MED13: variants seen among roughly 807,000 people sequenced by gnomAD.
MED13 encodes mediator of RNA polymerase II transcription subunit 13.
MED13 carries 23 observed loss-of-function variants against 225.2 expected under a neutral mutation model. That is an observed-to-expected ratio of 0.10 (90% CI 0.07 to 0.14). MED13 has a LOEUF of 0.14. Ranked by LOEUF, MED13 falls within the 10% of genes least tolerant of loss-of-function variation. MED13 has a pLI of 1.00. For synonymous variants in MED13, 942 were observed against 889.2 expected, an observed-to-expected ratio of 1.06 and a Z score of -1.06; for missense variants, 2,197 against 2,594.5, an observed-to-expected ratio of 0.85 and a Z score of 3.33.
At position 61,944,411 on chromosome 17, in the gene MED13, T is replaced by C. The variant is rs543015526; in HGVS notation, c.*2057A>G. On this transcript the variant is annotated 3_prime_UTR_variant, in exon 30 of 30. Transcript: ENST00000397786. ...TTTAAAGAAAGTACAGAACAAAACATACCAACATAATGTGTGGTGTATTAG... is the reference window on the plus strand; with the variant it reads ...TTTAAAGAAAGTACAGAACAAAACACACCAACATAATGTGTGGTGTATTAG... 4 of 150,022 alleles carry C rather than the reference T, an allele frequency of 2.7e-5. No homozygotes were observed. The highest frequency in any genetic ancestry group is 7.3e-5 in the African/African-American group (3 of 40,920). The allele number at this position is 150,022 out of a possible 1,614,324, so 9.3% of individuals were successfully genotyped here. A position where few individuals can be genotyped will look rare whatever the true frequency, so the allele number is the denominator to read the frequency against.
At chr17:62,053,142 C>G (rs768450078) in intron 2 of MED13, among the ~76,000 whole-genome samples, 5 of 152,134 alleles carry the variant, frequency 3.3e-5, no homozygotes, top group Admixed American at 6.6e-5. Flanking sequence ...TAATTAAAGT[C>G]AAAACATTTC....
chr17:61,990,520 G>C (rs962077211), intron 11 of MED13, among the ~76,000 whole-genome samples: 1 of 150,828 alleles, frequency 6.6e-6, no homozygotes, highest in Non-Finnish European at 1.5e-5. Flanking sequence ...CAGAATATGA[G>C]TAAAATGTTA....
At chr17:62,047,095 G>A (rs1345793755) in intron 3 of MED13, among the ~76,000 whole-genome samples, 1 of 151,818 alleles carries the variant, frequency 6.6e-6, no homozygotes, top group African/African-American at 2.4e-5. Context: ...GTTCGGCTGG[G>A]CATGGTGGCT....
chr17:62,020,674 T>TG lies in MED13; in HGVS notation c.1283+8866dup, dbSNP rs1235183754. ...GATTTCAGGCGTGAGTCACTGCACCTGGCCTGCTTTCTTTTTTTTTTTTTT... is the reference window on the plus strand; with the variant it reads ...GATTTCAGGCGTGAGTCACTGCACCTGGGCCTGCTTTCTTTTTTTTTTTTTT... On this transcript the variant is annotated intron_variant, in intron 8 of 29. Transcript: ENST00000397786. Among the ~76,000 whole-genome samples, 4 of 148,118 alleles carry TG rather than the reference T, an allele frequency of 2.7e-5. No homozygotes were observed. The South Asian group carries it at 6.5e-4, about 24-fold the overall frequency.
intron 9 of MED13, among the ~76,000 whole-genome samples, chr17:62,009,025 C>A (rs8072101): frequency 0.38 from 57,604 of 151,866 alleles, 13,521 homozygotes; most frequent in East Asian, 0.72. Flanking sequence ...AAGCAATAAG[C>A]AAGTAATTCA....
intron 8 of MED13, among the ~76,000 whole-genome samples, chr17:62,014,147 GTC>G (rs942515646): frequency 6.6e-6 from 1 of 151,758 alleles, no homozygotes; most frequent in Non-Finnish European, 1.5e-5. Context: ...ACCAGATACT[GTC>G]TCTCTCTGAC....
chr17:61,957,701 T>A (rs1445715224), intron 23 of MED13, among the ~76,000 whole-genome samples: 2 of 152,080 alleles, frequency 1.3e-5, no homozygotes, highest in Non-Finnish European at 2.9e-5. Context: ...CCAGATTTGG[T>A]CCATGGGCTG....
At chr17:61,952,276 G>A (rs2143293534) in intron 27 of MED13, among the ~76,000 whole-genome samples, 1 of 152,288 alleles carries the variant, frequency 6.6e-6, no homozygotes, top group East Asian at 1.9e-4. Context: ...AAGACAGCCT[G>A]CTTCCATAAC....
At chr17:61,974,116 A>G (rs765131034) in intron 16 of MED13, among the ~76,000 whole-genome samples, 1 of 152,148 alleles carries the variant, frequency 6.6e-6, no homozygotes, top group Non-Finnish European at 1.5e-5. Flanking sequence ...AGTAGTTGAA[A>G]ATGCTAACGG....
At chr17:61,991,310 G>T (rs1018294651) in intron 11 of MED13, among the ~76,000 whole-genome samples, 1 of 151,524 alleles carries the variant, frequency 6.6e-6, no homozygotes, top group Admixed American at 6.6e-5. Flanking sequence ...GTAGAGACAG[G>T]GTTTCACCTT....
chr17:62,007,424 A>G (rs1040787559), intron 9 of MED13: 4 of 152,252 alleles, frequency 2.6e-5, no homozygotes, highest in African/African-American at 9.6e-5. Context: ...TCAGAATTCA[A>G]GAAAGTTGAG....
chr17:61,975,129 C>A (rs2143421246), intron 16 of MED13, among the ~76,000 whole-genome samples: 1 of 150,604 alleles, frequency 6.6e-6, no homozygotes, highest in Admixed American at 6.6e-5. Flanking sequence ...AGTAGCAAGA[C>A]CCCGTATCTT....
intron 16 of MED13, among the ~76,000 whole-genome samples, chr17:61,977,438 C>T (rs995736237): frequency 1.3e-5 from 2 of 152,106 alleles, no homozygotes; most frequent in East Asian, 3.8e-4. Flanking sequence ...TAATATTGCA[C>T]ATTTATGTTT....
intron 3 of MED13, among the ~76,000 whole-genome samples, chr17:62,047,463 C>T (rs990020759): frequency 2.5e-4 from 38 of 152,192 alleles, no homozygotes; most frequent in African/African-American, 9.2e-4. Context: ...AACAGAAAAC[C>T]AAACACTGTA....
chr17:62,044,030 G>C (rs1377385750), intron 3 of MED13, among the ~76,000 whole-genome samples: 5 of 151,872 alleles, frequency 3.3e-5, no homozygotes, highest in Non-Finnish European at 7.4e-5. Context: ...TTGCCTTTTC[G>C]GAGACAGTGA....
intron 19 of MED13, among the ~76,000 whole-genome samples, chr17:61,965,742 T>A (rs1325612522): frequency 6.6e-6 from 1 of 152,190 alleles, no homozygotes; most frequent in Non-Finnish European, 1.5e-5. Context: ...ATTTTCTAAG[T>A]ATAATTAAAT....
rs908359939 is a variant in MED13, at chr17:61,982,577, A to T, written c.3426T>A (p.Leu1142=). The T allele has an allele frequency of 6.2e-7, 1 of 1,614,032 alleles. No individual in the cohort carries two copies. The change falls in exon 16 of 30, where the codon CTT becomes CTA. Residue 1142 remains leucine, a synonymous_variant. Coordinates refer to ENST00000397786, the MANE Select transcript of MED13 (RefSeq NM_005121.3). The stretch of plus-strand genomic sequence containing the variant: ...GTCCTATGATATCTAGTTCATCTTC[A>T]AGAAATAATCCTGAATTGTTTCCAA... ...RKFGNNSGLF[L]EDELDIIGRN... is the part of the protein sequence containing the mutation.
chr17:61,986,544 G>A (rs952699048), intron 12 of MED13, among the ~76,000 whole-genome samples: 8 of 152,082 alleles, frequency 5.3e-5, no homozygotes. Context: ...GTTATATCAT[G>A]TATCTGTCTT....
chr17:62,054,366 T>A (rs2080980693), intron 2 of MED13, among the ~76,000 whole-genome samples: 1 of 151,734 alleles, frequency 6.6e-6, no homozygotes, highest in African/African-American at 2.4e-5. Flanking sequence ...CTTGAGAAAA[T>A]GACAATATTT....
Sources: allele counts gnomAD v4.1 joint callset (sites outside exome capture counted in the v4.1 genomes callset), GRCh38; gene constraint gnomAD v4.1.1; transcripts MANE v1.5; gene names NCBI Gene and HGNC (gene_info 2026-07-23, HGNC 2026-07-21).